The following SGMS1 variants were observed in gnomAD, a reference collection of about 807,000 sequenced individuals.
SGMS1 encodes sphingomyelin synthase 1.
A neutral mutation model predicts 46.2 loss-of-function variants in SGMS1; 13 were observed. The ratio of observed to expected loss-of-function variants is 0.28; its 90% CI spans 0.18 to 0.45. The LOEUF is 0.45. Ranked by LOEUF, SGMS1 falls within the 20% of genes least tolerant of loss-of-function variation. The pLI is 1.00. For missense variants in SGMS1, 324 were observed against 519.9 expected, an observed-to-expected ratio of 0.62 and a Z score of 3.66; for synonymous variants, 203 against 187.8, an observed-to-expected ratio of 1.08 and a Z score of -0.66.
At chr10:50,524,226 T>A (rs1837880131) in intron 2 of SGMS1, among the ~76,000 whole-genome samples, 1 of 152,202 alleles carries the variant, frequency 6.6e-6, no homozygotes, top group South Asian at 2.1e-4. Context: ...CTCCTGTAGA[T>A]CTTGTTGAAT....
At chr10:50,528,882 A>C (rs537080242) in intron 2 of SGMS1, among the ~76,000 whole-genome samples, 2 of 152,346 alleles carry the variant, frequency 1.3e-5, no homozygotes, top group South Asian at 4.1e-4. Flanking sequence ...GGAGGTTGTG[A>C]TATGCCACTG....
At chr10:50,447,646 AATTGT>A (rs2133652560) in intron 5 of SGMS1, among the ~76,000 whole-genome samples, 1 of 152,342 alleles carries the variant, frequency 6.6e-6, no homozygotes, top group South Asian at 2.1e-4. Context: ...GACAAATAAA[AATTGT>A]ACATGTTTAT....
At position 50,523,044 on chromosome 10, in the gene SGMS1, T is replaced by A. The variant is rs536281477; in HGVS notation, c.-588-3123A>T. 1.9e-4 allele frequency among the ~76,000 whole-genome samples: 29 copies of A among 152,268 alleles called. No homozygotes were observed. The South Asian group carries it at 6.0e-3, about 32-fold the overall frequency. ...CCCTATATCACAGCGGGGAAAGTGT[T>A]CAAGCAGGAAACCAGGGCAAATGTG... On this transcript the variant is annotated intron_variant, in intron 2 of 10. Coordinates refer to ENST00000361781, the MANE Select transcript of SGMS1 (RefSeq NM_147156.4).
intron 1 of SGMS1, among the ~76,000 whole-genome samples, chr10:50,613,730 C>T (rs1468145947): frequency 6.6e-6 from 1 of 152,192 alleles, no homozygotes; most frequent in Admixed American, 6.5e-5. Flanking sequence ...TCCTGAGTTC[C>T]TACAAAATAT....
intron 3 of SGMS1, among the ~76,000 whole-genome samples, chr10:50,476,152 T>C (rs1564923938): frequency 7.4e-6 from 1 of 134,652 alleles, no homozygotes. Flanking sequence ...CGTGTGCCTA[T>C]AATCTGAGCT....
intron 2 of SGMS1, among the ~76,000 whole-genome samples, chr10:50,532,276 C>T (rs1335932437): frequency 2.7e-5 from 3 of 109,304 alleles, no homozygotes; most frequent in Admixed American, 1.9e-4. Context: ...TGTGTGTGTC[C>T]TGTGATGGGA....
intron 2 of SGMS1, among the ~76,000 whole-genome samples, chr10:50,583,632 T>A (rs577770924): frequency 6.6e-6 from 1 of 152,262 alleles, no homozygotes; most frequent in South Asian, 2.1e-4. Flanking sequence ...CCAAGATGAA[T>A]CCTCATGACA....
chr10:50,477,970 T>C (rs140867865), intron 3 of SGMS1, among the ~76,000 whole-genome samples: 92 of 152,326 alleles, frequency 6.0e-4, no homozygotes, highest in African/African-American at 2.0e-3. Context: ...GGCTAATACA[T>C]AGATCATGCA....
chr10:50,502,782 A>G (rs1837672646), intron 3 of SGMS1, among the ~76,000 whole-genome samples: 1 of 152,176 alleles, frequency 6.6e-6, no homozygotes, highest in Non-Finnish European at 1.5e-5. Context: ...AAAATTTGCA[A>G]CTTTATAAAT....
intron 7 of SGMS1, among the ~76,000 whole-genome samples, chr10:50,339,422 A>T (rs1847774891): frequency 6.6e-6 from 1 of 152,230 alleles, no homozygotes; most frequent in African/African-American, 2.4e-5. Flanking sequence ...TTCTAATCAG[A>T]GGAGTCTGGT....
intron 3 of SGMS1, among the ~76,000 whole-genome samples, chr10:50,495,982 T>C (rs1285098987): frequency 6.6e-6 from 1 of 152,222 alleles, no homozygotes; most frequent in Non-Finnish European, 1.5e-5. Flanking sequence ...ATTTCCTTTT[T>C]TTAATTAAAA....
intron 7 of SGMS1, among the ~76,000 whole-genome samples, chr10:50,338,493 T>A (rs570023189): frequency 6.6e-6 from 1 of 152,180 alleles, no homozygotes; most frequent in African/African-American, 2.4e-5. Flanking sequence ...TTCCCCAAAT[T>A]AGTAAATGCT....
intron 6 of SGMS1, among the ~76,000 whole-genome samples, chr10:50,354,713 A>G (rs184556673): frequency 2.2e-3 from 340 of 152,378 alleles, no homozygotes; most frequent in African/African-American, 7.8e-3. Context: ...GCTAATATCC[A>G]GAATCTACAA....
intron 3 of SGMS1, among the ~76,000 whole-genome samples, chr10:50,504,320 T>C (rs1465158682): frequency 6.6e-6 from 1 of 152,230 alleles, no homozygotes; most frequent in Non-Finnish European, 1.5e-5. Flanking sequence ...TTCTTAAGCT[T>C]AGGTAAGTTT....
At chr10:50,620,718 C>G (rs1838841596) in intron 1 of SGMS1, among the ~76,000 whole-genome samples, 1 of 152,152 alleles carries the variant, frequency 6.6e-6, no homozygotes, top group African/African-American at 2.4e-5. Flanking sequence ...TCCTAAAGAC[C>G]AGGGCATTGA....
chr10:50,470,966 C>A (rs1837373619), intron 3 of SGMS1, among the ~76,000 whole-genome samples: 1 of 152,114 alleles, frequency 6.6e-6, no homozygotes, highest in East Asian at 1.9e-4. Context: ...TTACACATTG[C>A]AATCTACTAA....
intron 3 of SGMS1, among the ~76,000 whole-genome samples, chr10:50,493,722 CATCACTG>C (rs1349569431): frequency 4.0e-5 from 6 of 151,852 alleles, no homozygotes; most frequent in African/African-American, 1.2e-4. Flanking sequence ...AAAAACTCAA[CATCACTG>C]ATCATTAGAG....
At chr10:50,351,489 G>A (rs1589399831) in intron 6 of SGMS1, among the ~76,000 whole-genome samples, 2 of 152,128 alleles carry the variant, frequency 1.3e-5, no homozygotes, top group Admixed American at 6.5e-5. Context: ...GTGTGCCCAC[G>A]CAAATCTCAT....
chr10:50,307,226 A>G lies in SGMS1; in HGVS notation c.1158T>C (p.Pro386=), dbSNP rs1376709207. Residue 386 remains proline, a synonymous_variant, in exon 11 of 11, where the codon CCT becomes CCC. Transcript: ENST00000361781. This position sits in a 1 kb window ranked among gnomAD's most constrained non-coding sequence, Gnocchi z 4.2. ...YFEKNVQGIV[P]RSYHWPFPWP... ...AGGGGAAAGGCCAATGGTAAGATCG[A>G]GGTACAATTCCTTGGACATTCTTTT... is the stretch of plus-strand genomic sequence containing the variant. 1 of 1,614,150 alleles carries G rather than the reference A, an allele frequency of 6.2e-7. No homozygotes were observed. The highest frequency in any genetic ancestry group is 2.2e-5 in the East Asian group (1 of 44,884).
Sources: gnomAD v4.1 joint callset for allele counts (sites outside exome capture counted in the v4.1 genomes callset) on GRCh38, gnomAD v4.1.1 for gene constraint, Gnocchi (gnomAD v3.1) non-coding constraint, MANE v1.5 for transcripts, NCBI Gene and HGNC (gene_info 2026-07-23, HGNC 2026-07-21) for gene names.